VPS41: variants seen among roughly 807,000 people sequenced by gnomAD.
VPS41 encodes VPS41 subunit of HOPS complex.
A neutral mutation model predicts 130.9 loss-of-function variants in VPS41; 85 were observed. The observed-to-expected ratio is 0.65, with a 90% confidence interval of 0.55 to 0.78. The LOEUF (loss-of-function observed/expected upper bound fraction) is 0.78, where lower values mean the gene tolerates loss of function less well. VPS41 is among the 30% of genes least tolerant of loss of function. The pLI is 0.00. For synonymous variants in VPS41, 335 were observed against 332.9 expected (o/e 1.01, Z -0.07); for missense variants, 874 against 1,018.7 (o/e 0.86, Z 1.93).
intron 7 of VPS41, among the ~76,000 whole-genome samples, chr7:38,799,922 G>C (rs115857413): frequency 1.3e-5 from 2 of 152,124 alleles, no homozygotes; most frequent in Admixed American, 1.3e-4. Flanking sequence ...TATGTGGGGT[G>C]GGGGGTACAG....
At chr7:38,906,089 C>G in intron 1 of VPS41, among the ~76,000 whole-genome samples, 1 of 152,060 alleles carries the variant, frequency 6.6e-6, no homozygotes, top group African/African-American at 2.4e-5. Flanking sequence ...AGCCACCGCA[C>G]GCAGCCCTAT....
chr7:38,781,451 G>A (rs564516212), intron 10 of VPS41, among the ~76,000 whole-genome samples: 30 of 152,140 alleles, frequency 2.0e-4, no homozygotes, highest in African/African-American at 2.4e-4. Context: ...CACTATTTTC[G>A]GATACACAGT....
intron 4 of VPS41, among the ~76,000 whole-genome samples, chr7:38,845,917 A>G (rs1164761901): frequency 6.6e-6 from 1 of 152,260 alleles, no homozygotes; most frequent in Non-Finnish European, 1.5e-5. Flanking sequence ...GTGACACATA[A>G]TGTGTGAAAT....
At chr7:38,764,283 C>T (rs1257652215) in intron 16 of VPS41, among the ~76,000 whole-genome samples, 1 of 152,182 alleles carries the variant, frequency 6.6e-6, no homozygotes, top group African/African-American at 2.4e-5. Context: ...GGCAGGACAT[C>T]TGGCAGGGGG....
intron 8 of VPS41, 200 bp downstream of exon 8, chr7:38,796,545 T>A: frequency 1.3e-6 from 1 of 742,482 alleles, no homozygotes; most frequent in South Asian, 1.5e-5. Flanking sequence ...GATTCCAGAA[T>A]ATGTTGGGAA....
chr7:38,830,235 GAC>G lies in VPS41; in HGVS notation c.321+17_321+18del, dbSNP rs1785359325. On this transcript the variant is annotated intron_variant, in intron 5 of 28. Transcript: ENST00000310301. ...GCTGGCGCCACAGAACTCTCTGCAT[GAC>G]CACATCTTTGCCATACCTTGCCATC... The G allele has an allele frequency of 6.3e-7, 1 of 1,576,050 alleles. No individual in the cohort carries two copies. Among genetic ancestry groups the G allele is most frequent in the African/African-American group, 1.3e-5 (1 of 74,192 alleles).
intron 1 of VPS41, among the ~76,000 whole-genome samples, chr7:38,903,157 G>A (rs1483252848): frequency 6.6e-6 from 1 of 152,200 alleles, no homozygotes; most frequent in Non-Finnish European, 1.5e-5. Flanking sequence ...CAGGAAGGTA[G>A]CACCTTCCAA....
rs200849940 is a variant in VPS41 at position 38,869,257 on chromosome 7, C to A, written c.61-4G>T. On this transcript the variant is annotated splice_region_variant and splice_polypyrimidine_tract_variant and intron_variant, in intron 2 of 28. Coordinates refer to ENST00000310301, the MANE Select transcript of VPS41 (RefSeq NM_014396.4). ...GTTCCTCTTCGCTCTCTTCTTCCTG[C>A]ACAAACGGCAAAGAAAAATGACACC... is the stretch of plus-strand genomic sequence containing the variant. 8.7e-5 allele frequency: 139 copies of A among 1,598,642 alleles called. 1 individual carries two copies. In the Admixed American group the frequency reaches 2.2e-3, roughly 26 times the overall value.
intron 9 of VPS41, among the ~76,000 whole-genome samples, chr7:38,791,469 A>G (rs902996706): frequency 6.6e-6 from 1 of 152,174 alleles, no homozygotes; most frequent in Admixed American, 6.5e-5. Flanking sequence ...TATTTTCTTA[A>G]GATTATGGTG....
intron 4 of VPS41, among the ~76,000 whole-genome samples, chr7:38,844,338 T>C (rs1785678052): frequency 6.6e-6 from 1 of 152,242 alleles, no homozygotes; most frequent in Non-Finnish European, 1.5e-5. Flanking sequence ...ACAGACTGCA[T>C]CATTTATATA....
intron 6 of VPS41, among the ~76,000 whole-genome samples, chr7:38,819,031 T>C (rs1393495687): frequency 6.6e-6 from 1 of 152,234 alleles, no homozygotes; most frequent in African/African-American, 2.4e-5. Flanking sequence ...ACACATTCTA[T>C]TGTTTCACAT....
intron 2 of VPS41, among the ~76,000 whole-genome samples, chr7:38,884,141 A>G (rs1786670862): frequency 6.6e-6 from 1 of 152,236 alleles, no homozygotes; most frequent in South Asian, 2.1e-4. Flanking sequence ...TGTTCTACCC[A>G]CCAAGTGAGA....
chr7:38,859,218 A>G (rs1318183131), intron 4 of VPS41, among the ~76,000 whole-genome samples: 2 of 152,218 alleles, frequency 1.3e-5, no homozygotes, highest in African/African-American at 2.4e-5. Flanking sequence ...GCTATTATAA[A>G]GTCAAAAGTT....
chr7:38,879,824 T>C lies in VPS41; in HGVS notation c.61-10571A>G, dbSNP rs79286260. Among the ~76,000 whole-genome samples the C allele has an allele frequency of 6.1e-3, 932 of 151,756 alleles. 8 individuals carry two copies. The highest frequency in any genetic ancestry group is 0.024 in the Middle Eastern group (7 of 294). On this transcript the variant is annotated intron_variant, in intron 2 of 28. Coordinates refer to ENST00000310301, the MANE Select transcript of VPS41 (RefSeq NM_014396.4). The stretch of plus-strand genomic sequence containing the variant: ...CATGGACCGGTGGGTTGGAGACCCC[T>C]GCTGAAATAGGTATGAGATGTAAGG...
intron 14 of VPS41, among the ~76,000 whole-genome samples, chr7:38,770,678 T>G (rs1257185824): frequency 1.3e-5 from 2 of 152,200 alleles, no homozygotes; most frequent in Non-Finnish European, 2.9e-5. Flanking sequence ...GTGCAGGATG[T>G]GAGTTCCTCT....
intron 4 of VPS41, among the ~76,000 whole-genome samples, chr7:38,834,093 C>A (rs574977190): frequency 7.2e-6 from 1 of 138,060 alleles, no homozygotes; most frequent in Non-Finnish European, 1.5e-5. Context: ...ACTCAATATC[C>A]ATTCATGGTA....
At chr7:38,841,552 C>T (rs1351799884) in intron 4 of VPS41, among the ~76,000 whole-genome samples, 1 of 152,184 alleles carries the variant, frequency 6.6e-6, no homozygotes, top group East Asian at 1.9e-4. Flanking sequence ...AACTCTACTC[C>T]ACTGGCTTCC....
Position 38,882,841 on chromosome 7 carries a change from A to G in VPS41, c.61-13588T>C, listed in dbSNP as rs543655937. ...CCAGAGTTTTAACAAAGCCTCCCCA[A>G]TGGTCTCCCCTATTCCTACTTATCC... On this transcript the variant is annotated intron_variant, in intron 2 of 28. Transcript: ENST00000310301. Among the ~76,000 whole-genome samples, 7 of 152,294 alleles carry G rather than the reference A, an allele frequency of 4.6e-5. No homozygotes were observed. The South Asian group carries it at 1.2e-3, about 27-fold the overall frequency.
intron 4 of VPS41, among the ~76,000 whole-genome samples, chr7:38,833,868 G>A (rs1248936435): frequency 6.6e-6 from 1 of 151,742 alleles, no homozygotes; most frequent in Admixed American, 6.6e-5. Flanking sequence ...AACTCAATAA[G>A]AATATTAGGA....
Sources: gnomAD v4.1 joint callset for allele counts (sites outside exome capture counted in the v4.1 genomes callset) on GRCh38, gnomAD v4.1.1 for gene constraint, MANE v1.5 for transcripts, NCBI Gene and HGNC (gene_info 2026-07-23, HGNC 2026-07-21) for gene names.